Variants in MAGI2 observed in about 807,000 individuals in gnomAD.
MAGI2 encodes membrane associated guanylate kinase, WW and PDZ domain containing 2, also known as membrane-associated guanylate kinase, WW and PDZ domain-containing protein 2.
Under a neutral mutation model 133.3 loss-of-function variants are expected in MAGI2, and 35 were observed. The observed-to-expected ratio is 0.26, with a 90% confidence interval of 0.20 to 0.35. The LOEUF is 0.35. MAGI2 is among the 10% of genes least tolerant of loss of function. The probability of loss-of-function intolerance (pLI) is 1.00; values close to 1 mark genes in which losing one functional copy is unlikely to be tolerated. For synonymous variants in MAGI2, 729 were observed against 710.6 expected, an observed-to-expected ratio of 1.03 and a Z score of -0.41; for missense variants, 1,636 against 1,863.4, an observed-to-expected ratio of 0.88 and a Z score of 2.25.
intron 3 of MAGI2, among the ~76,000 whole-genome samples, chr7:78,539,692 G>GTGGTACTGGGT (rs1219321367): frequency 7.9e-5 from 12 of 152,318 alleles, no homozygotes; most frequent in African/African-American, 2.9e-4. Flanking sequence ...TAGCCACCCA[G>GTGGTACTGGGT]TGGTACTGGG....
At chr7:78,959,416 T>C (rs866524731) in intron 2 of MAGI2, among the ~76,000 whole-genome samples, 4 of 152,012 alleles carry the variant, frequency 2.6e-5, no homozygotes, top group Non-Finnish European at 5.9e-5. Flanking sequence ...AAAATCCCCA[T>C]AGAAATGTAA....
At chr7:78,959,265 T>C (rs1325277114) in intron 2 of MAGI2, among the ~76,000 whole-genome samples, 2 of 152,146 alleles carry the variant, frequency 1.3e-5, no homozygotes, top group Non-Finnish European at 2.9e-5. Context: ...AACATTACTT[T>C]TGGTTATAGA....
intron 9 of MAGI2, among the ~76,000 whole-genome samples, chr7:78,275,342 C>A (rs1029322276): frequency 6.6e-6 from 1 of 152,230 alleles, no homozygotes; most frequent in Admixed American, 6.5e-5. Flanking sequence ...AAATCACCTG[C>A]CTCGATCTCG....
chr7:78,654,696 C>CATATATGTATATATATATATATATATAT (rs1811944947), intron 2 of MAGI2, among the ~76,000 whole-genome samples: 9 of 78,900 alleles, frequency 1.1e-4, no homozygotes, highest in African/African-American at 4.8e-4. Flanking sequence ...TGTACTTTTA[C>CATATATGTATATATATATATATATATAT]ATATATGTAT....
In MAGI2 at chr7:78,644,688, T is replaced by G. The variant is rs77409464; in HGVS notation, c.419-17449A>C. 1.6e-4 allele frequency among the ~76,000 whole-genome samples: 24 copies of G among 152,090 alleles called. No individual in the cohort carries two copies. The South Asian group carries it at 4.1e-3, about 26-fold the overall frequency. Reference sequence around the variant, plus strand: ...AATGTTTAACTCGAAATACTTATATTAGAAACGCAGAAAGGTCTCAAATCA... The same window carrying G: ...AATGTTTAACTCGAAATACTTATATGAGAAACGCAGAAAGGTCTCAAATCA... On this transcript the variant is annotated intron_variant, in intron 2 of 21. Coordinates refer to ENST00000354212, the MANE Select transcript of MAGI2 (RefSeq NM_012301.4).
chr7:78,316,399 C>T (rs866550483), intron 9 of MAGI2, among the ~76,000 whole-genome samples: 1 of 152,184 alleles, frequency 6.6e-6, no homozygotes, highest in Admixed American at 6.5e-5. Context: ...GCTCTTTAAA[C>T]ATTCTGAGAT....
intron 1 of MAGI2, among the ~76,000 whole-genome samples, chr7:79,096,726 T>TA (rs1817552798): frequency 6.6e-6 from 1 of 152,124 alleles, no homozygotes; most frequent in African/African-American, 2.4e-5. Flanking sequence ...ATTTTACCTC[T>TA]AAAAAACCCT....
chr7:78,086,986 C>G (rs1233444774), intron 20 of MAGI2, among the ~76,000 whole-genome samples: 1 of 152,112 alleles, frequency 6.6e-6, no homozygotes, highest in Non-Finnish European at 1.5e-5. Context: ...GTGCCTTTCT[C>G]TGTGCTGTTC....
intron 3 of MAGI2, among the ~76,000 whole-genome samples, chr7:78,541,118 C>A (rs573436018): frequency 3.7e-4 from 57 of 152,316 alleles, no homozygotes; most frequent in Non-Finnish European, 7.8e-4. Flanking sequence ...TCCTATCCAC[C>A]ATTTATTTTC....
chr7:79,250,741 A>G (rs1009606464), intron 1 of MAGI2, among the ~76,000 whole-genome samples: 1 of 152,162 alleles, frequency 6.6e-6, no homozygotes, highest in Non-Finnish European at 1.5e-5. Context: ...ATAGGAAAAA[A>G]AAATACTAAC....
At chr7:78,675,248 CTGTTGT>C (rs57947329) in intron 2 of MAGI2, among the ~76,000 whole-genome samples, 40,857 of 150,526 alleles carry the variant, frequency 0.27, 6,300 homozygotes, top group Non-Finnish European at 0.34. Context: ...TTATGGGTTG[CTGTTGT>C]TGTTGTTGTT....
intron 2 of MAGI2, among the ~76,000 whole-genome samples, chr7:78,744,276 G>A (rs1822719827): frequency 1.3e-5 from 2 of 151,944 alleles, no homozygotes; most frequent in South Asian, 4.1e-4. Context: ...TATCTTATTT[G>A]AATAGCAATA....
chr7:79,205,756 G>T (rs201601854), intron 1 of MAGI2, among the ~76,000 whole-genome samples: 3 of 148,084 alleles, frequency 2.0e-5, no homozygotes, highest in South Asian at 2.1e-4. Context: ...AATGTAGAGG[G>T]GTGTGTGTGT....
chr7:78,694,156 A>C (rs1817256880), intron 2 of MAGI2, among the ~76,000 whole-genome samples: 1 of 152,156 alleles, frequency 6.6e-6, no homozygotes. Context: ...AGGAGGAATA[A>C]CTAAAACAAC....
chr7:78,147,312 A>G (rs1000588740), intron 16 of MAGI2, among the ~76,000 whole-genome samples: 1 of 152,172 alleles, frequency 6.6e-6, no homozygotes, highest in Admixed American at 6.5e-5. Flanking sequence ...CAGTTCCCGG[A>G]CTTGAAAAGT....
intron 1 of MAGI2, among the ~76,000 whole-genome samples, chr7:79,180,835 A>G (rs1314614228): frequency 6.6e-6 from 1 of 152,010 alleles, no homozygotes; most frequent in Non-Finnish European, 1.5e-5. Flanking sequence ...GGGTACAGGC[A>G]TTGGGTAAAT....
intron 3 of MAGI2, among the ~76,000 whole-genome samples, chr7:78,606,402 C>A (rs1271538675): frequency 6.6e-6 from 1 of 151,888 alleles, no homozygotes; most frequent in Non-Finnish European, 1.5e-5. Flanking sequence ...GACAAAAACT[C>A]ACTTTGTGAA....
At chr7:79,397,158 A>G (rs2129157983) in intron 1 of MAGI2, among the ~76,000 whole-genome samples, 1 of 149,326 alleles carries the variant, frequency 6.7e-6, no homozygotes, top group Non-Finnish European at 1.5e-5. Context: ...TTTAGGAGTT[A>G]TTATTTATAT....
intron 2 of MAGI2, among the ~76,000 whole-genome samples, chr7:78,861,283 C>T (rs1042951215): frequency 8.5e-5 from 13 of 152,214 alleles, no homozygotes; most frequent in African/African-American, 2.9e-4. Context: ...GTTGGAAATG[C>T]AGAAATCACC....
Sources: gnomAD v4.1 joint callset for allele counts (sites outside exome capture counted in the v4.1 genomes callset) on GRCh38, gnomAD v4.1.1 for gene constraint, MANE v1.5 for transcripts, NCBI Gene and HGNC (gene_info 2026-07-23, HGNC 2026-07-21) for gene names.